Variants in IL1R1 observed in about 807,000 individuals in gnomAD.
The protein encoded by IL1R1 is interleukin-1 receptor type 1.
A neutral mutation model predicts 50.2 loss-of-function variants in IL1R1; 22 were observed. The observed-to-expected ratio is 0.44, with a 90% CI of 0.31 to 0.63. The LOEUF is 0.63. Among genes scored for constraint, IL1R1 ranks in the 20% least tolerant of loss-of-function variants. The probability of loss-of-function intolerance (pLI) is 0.07; values close to 1 mark genes in which losing one functional copy is unlikely to be tolerated. For missense variants in IL1R1, 509 were observed against 676.2 expected (o/e 0.75, Z 2.74); for synonymous variants, 251 against 236.7 (o/e 1.06, Z -0.55).
Position 102,165,483 on chromosome 2 carries a change from C to T in IL1R1, c.486+179C>T, listed in dbSNP as rs553639215. 1.7e-4 allele frequency among the ~76,000 whole-genome samples: 26 copies of T among 152,200 alleles called. No homozygotes were observed. In the East Asian group the frequency reaches 4.4e-3, roughly 26 times the overall value. ...TGCATTCACTTAATTTGAAGCTTAA[C>T]TAGAAATTTGTTTGCTGTTGTTTTT... On this transcript the variant is annotated intron_variant, in intron 5 of 11. Coordinates refer to ENST00000410023, the MANE Select transcript of IL1R1 (RefSeq NM_000877.4).
At chr2:102,174,764 T>G (rs1685975206) in intron 10 of IL1R1, 34 bp downstream of exon 10, 1 of 1,563,842 alleles carries the variant, frequency 6.4e-7, no homozygotes, top group Non-Finnish European at 8.7e-7. Flanking sequence ...TATTTCTTGT[T>G]GGAGATAAGG....
At chr2:102,157,555 G>A (rs3917241) in intron 2 of IL1R1, among the ~76,000 whole-genome samples, 164 bp from the exon 3 acceptor site, 323 of 152,282 alleles carry the variant, frequency 2.1e-3, no homozygotes, top group African/African-American at 7.5e-3. Flanking sequence ...TTTCTAACCA[G>A]AAGTCAAATA....
chr2:102,125,101 C>T (rs1483231744), intron 1 of IL1R1, among the ~76,000 whole-genome samples: 1 of 152,120 alleles, frequency 6.6e-6, no homozygotes, highest in Non-Finnish European at 1.5e-5. Flanking sequence ...TGCGGCTTGC[C>T]AGGCTGATGG....
intron 1 of IL1R1, among the ~76,000 whole-genome samples, chr2:102,120,327 T>C (rs1397226509): frequency 6.6e-6 from 1 of 152,052 alleles, no homozygotes; most frequent in Non-Finnish European, 1.5e-5. Flanking sequence ...TGAATGTACG[T>C]GTTTGTTGTG....
intron 5 of IL1R1, among the ~76,000 whole-genome samples, chr2:102,165,674 T>C (rs973802783): frequency 1.1e-4 from 17 of 152,228 alleles, no homozygotes; most frequent in African/African-American, 4.1e-4. Context: ...TTTCCATAAC[T>C]GTCTGAAAAG....
intron 1 of IL1R1, among the ~76,000 whole-genome samples, chr2:102,115,403 G>A (rs560542618): frequency 6.6e-6 from 1 of 152,288 alleles, no homozygotes; most frequent in African/African-American, 2.4e-5. Flanking sequence ...AGTTTTTTAA[G>A]GCACTGTGGA....
At chr2:102,138,022 A>G (rs1682438955), upstream of IL1R1, among the ~76,000 whole-genome samples, 1 of 152,132 alleles carries the variant, frequency 6.6e-6, no homozygotes, top group Non-Finnish European at 1.5e-5. Context: ...ATTACATTTA[A>G]GAATAAGTTT....
chr2:102,094,851 A>G (rs1679830991), intron 1 of IL1R1, among the ~76,000 whole-genome samples: 1 of 152,174 alleles, frequency 6.6e-6, no homozygotes, highest in East Asian at 1.9e-4. Flanking sequence ...ATATGTGCAT[A>G]TATGTATGTA....
At chr2:102,103,939 C>T (rs566893666), upstream of IL1R1, among the ~76,000 whole-genome samples, 7 of 137,364 alleles carry the variant, frequency 5.1e-5, no homozygotes, top group Non-Finnish European at 7.6e-5. Flanking sequence ...TGCTGTGAGC[C>T]GAGATTGTGA....
chr2:102,114,600 C>G (rs554214666), intron 1 of IL1R1, among the ~76,000 whole-genome samples: 1 of 152,192 alleles, frequency 6.6e-6, no homozygotes, highest in South Asian at 2.1e-4. Context: ...TACATTTTTG[C>G]TATTGTGATA....
At chr2:102,106,634 A>C (rs6729953) in intron 1 of IL1R1, among the ~76,000 whole-genome samples, 19,164 of 152,242 alleles carry the variant, frequency 0.13, 1,653 homozygotes, top group Non-Finnish European at 0.18. Flanking sequence ...GTAAAAGACG[A>C]GAAGTAAAAA....
At chr2:102,106,983 G>A (rs1680451013) in intron 1 of IL1R1, among the ~76,000 whole-genome samples, 1 of 152,040 alleles carries the variant, frequency 6.6e-6, no homozygotes, top group Admixed American at 6.6e-5. Flanking sequence ...TTATCTCAAC[G>A]AGTTTTCCTT....
chr2:102,165,072 T>C (rs1203967784), intron 4 of IL1R1, 43 bp from the exon 5 acceptor site: 2 of 1,556,534 alleles, frequency 1.3e-6, no homozygotes, highest in Admixed American at 3.7e-5. Flanking sequence ...AGGACAGAAA[T>C]ACTTTTAATA....
intron 3 of IL1R1, among the ~76,000 whole-genome samples, chr2:102,161,092 C>T (rs556685455): frequency 6.6e-6 from 1 of 152,230 alleles, no homozygotes; most frequent in South Asian, 2.1e-4. Context: ...AGCAGTTTCC[C>T]TCTAAGTACT....
In IL1R1 at chr2:102,165,202, T is replaced by G; in HGVS notation, c.384T>G (p.Phe128Leu). Residue 128 changes from phenylalanine (F) to leucine (L), a missense_variant, in exon 5 of 12, where the codon TTT becomes TTG. Coordinates refer to ENST00000410023, the MANE Select transcript of IL1R1 (RefSeq NM_000877.4). ...TATGTTATAATGCACAAGCCATATT[T>G]AAGCAGAAACTACCCGTTGCAGGAG... ...PNLCYNAQAI[F>L]KQKLPVAGDG... is the part of the protein sequence containing the mutation. The G allele has an allele frequency of 6.2e-7, 1 of 1,607,818 alleles. No individual in the cohort carries two copies. Among genetic ancestry groups the G allele is most frequent in the Non-Finnish European group, 8.5e-7 (1 of 1,178,056 alleles).
At chr2:102,101,591 C>T (rs1469972880), upstream of IL1R1, among the ~76,000 whole-genome samples, 1 of 152,188 alleles carries the variant, frequency 6.6e-6, no homozygotes, top group Non-Finnish European at 1.5e-5. Context: ...ATAAGAAACA[C>T]ATGGATTACA....
chr2:102,075,834 T>C (rs1037833972), intron 1 of IL1R1, among the ~76,000 whole-genome samples: 15 of 152,144 alleles, frequency 9.9e-5, no homozygotes, highest in African/African-American at 3.6e-4. Context: ...TAGCAGCAAA[T>C]GGGTGGCACA....
intron 3 of IL1R1, among the ~76,000 whole-genome samples, chr2:102,161,020 T>A (rs1277448490): frequency 6.6e-6 from 1 of 152,210 alleles, no homozygotes; most frequent in Non-Finnish European, 1.5e-5. Context: ...TTCTAGTTTC[T>A]TAAGGTAGAA....
At position 102,176,497 on chromosome 2, in the gene IL1R1, T is replaced by C. The variant is rs1559511809; in HGVS notation, c.1448T>C (p.Ile483Thr). The C allele has an allele frequency of 1.2e-6, 2 of 1,614,196 alleles. No homozygotes were observed. The highest frequency in any genetic ancestry group is 2.2e-5 in the East Asian group (1 of 44,880). Residue 483 changes from isoleucine (I) to threonine (T), a missense_variant, in exon 12 of 12, where the codon ATT becomes ACT. Ile to Thr is a moderately conservative substitution (Grantham distance 89, BLOSUM62 -1). Coordinates refer to ENST00000410023, the MANE Select transcript of IL1R1 (RefSeq NM_000877.4). ...TATAATGCTCTTGTTCAGGATGGAATTAAAGTTGTCCTGCTTGAGCTGGAG... is the reference window on the plus strand; with the variant it reads ...TATAATGCTCTTGTTCAGGATGGAACTAAAGTTGTCCTGCTTGAGCTGGAG... The part of the protein sequence containing the change: ...AMYNALVQDG[I>T]KVVLLELEKI...
Sources: gnomAD v4.1 joint callset for allele counts (sites outside exome capture counted in the v4.1 genomes callset) on GRCh38, gnomAD v4.1.1 for gene constraint, MANE v1.5 for transcripts, NCBI Gene and HGNC (gene_info 2026-07-23, HGNC 2026-07-21) for gene names.